Variants in HGF observed in about 807,000 individuals in gnomAD.
HGF encodes the protein hepatocyte growth factor.
HGF carries 39 observed loss-of-function variants against 111.6 expected under a neutral mutation model. The observed-to-expected ratio is 0.35, with a 90% CI of 0.27 to 0.46. The LOEUF is 0.46. Among genes scored for constraint, HGF ranks in the 20% least tolerant of loss-of-function variants. HGF has a pLI of 1.00. For missense variants in HGF, 735 were observed against 910.5 expected, an observed-to-expected ratio of 0.81 and a Z score of 2.48; for synonymous variants, 285 against 294.8, an observed-to-expected ratio of 0.97 and a Z score of 0.34.
At chr7:81,722,677 G>A (rs1400188680) in intron 9 of HGF, among the ~76,000 whole-genome samples, 1 of 150,764 alleles carries the variant, frequency 6.6e-6, no homozygotes, top group African/African-American at 2.4e-5. Context: ...AGCTGGGTGT[G>A]GTGGCGTGTG....
chr7:81,709,231 T>G (rs531937303), intron 13 of HGF, among the ~76,000 whole-genome samples: 1 of 151,994 alleles, frequency 6.6e-6, no homozygotes, highest in Non-Finnish European at 1.5e-5. Context: ...GCATAAAACA[T>G]GGAGGAAGAA....
At chr7:81,737,183 A>G (rs1303929499) in intron 7 of HGF, among the ~76,000 whole-genome samples, 1 of 152,010 alleles carries the variant, frequency 6.6e-6, no homozygotes, top group Non-Finnish European at 1.5e-5. Flanking sequence ...AGGCTTTTGG[A>G]TTTTAAACTG....
At chr7:81,758,119 A>G (rs529262097) in intron 3 of HGF, among the ~76,000 whole-genome samples, 1 of 152,216 alleles carries the variant, frequency 6.6e-6, no homozygotes, top group African/African-American at 2.4e-5. Flanking sequence ...GCTTTTGAAC[A>G]AAGTAAATAC....
At chr7:81,736,894 G>GGGGTGTGTGTGTGTGTGT (rs1554369032) in intron 7 of HGF, among the ~76,000 whole-genome samples, 39 of 142,054 alleles carry the variant, frequency 2.7e-4, no homozygotes, top group African/African-American at 8.9e-4. Context: ...TGTGTAGAGG[G>GGGGTGTGTGTGTGTGTGT]GTGTGTGTGT....
intron 1 of HGF, among the ~76,000 whole-genome samples, chr7:81,766,960 C>T (rs1584023804): frequency 1.3e-5 from 2 of 152,302 alleles, no homozygotes; most frequent in South Asian, 4.1e-4. Flanking sequence ...TATTCCCCAT[C>T]ACATGCCCAA....
rs751680733 is a variant in HGF, at chr7:81,725,880, C to T, written c.1168+10G>A. On this transcript the variant is annotated intron_variant, in intron 9 of 17. Coordinates refer to ENST00000222390, the MANE Select transcript of HGF (RefSeq NM_000601.6). Reference sequence around the variant, plus strand: ...TAATCATGCCCACCCTGCAGAATGTCAGCTATTACCTTGTCCATGTGACAT... The same window carrying T: ...TAATCATGCCCACCCTGCAGAATGTTAGCTATTACCTTGTCCATGTGACAT... 4 of 1,614,054 alleles carry T rather than the reference C, an allele frequency of 2.5e-6. No homozygotes were observed. The East Asian group carries it at 8.9e-5, about 36-fold the overall frequency.
At chr7:81,768,546 A>C (rs1789475412) in intron 1 of HGF, among the ~76,000 whole-genome samples, 1 of 151,890 alleles carries the variant, frequency 6.6e-6, no homozygotes, top group Admixed American at 6.6e-5. Flanking sequence ...CGCCTGGCTA[A>C]TTTTTTGTAT....
At chr7:81,762,609 G>A in intron 2 of HGF, 98 bp downstream of exon 2, 2 of 950,126 alleles carry the variant, frequency 2.1e-6, no homozygotes, top group Non-Finnish European at 1.7e-6. Flanking sequence ...ACAATTTTAT[G>A]ATCAAATCAC....
At chr7:81,715,393 G>A (rs1789683780) in intron 11 of HGF, among the ~76,000 whole-genome samples, 1 of 151,888 alleles carries the variant, frequency 6.6e-6, no homozygotes, top group Non-Finnish European at 1.5e-5. Context: ...TGAAAAAGTA[G>A]GTGTGTTTCT....
intron 7 of HGF, 98 bp downstream of exon 7, chr7:81,743,255 A>T: frequency 1.2e-6 from 1 of 818,090 alleles, no homozygotes; most frequent in Non-Finnish European, 2.2e-6. Flanking sequence ...ACATTAAAGC[A>T]TCAAGTTAAA....
At chr7:81,756,022 A>G (rs1455301004) in intron 4 of HGF, 4 of 701,860 alleles carry the variant, frequency 5.7e-6, no homozygotes, top group Admixed American at 2.0e-5. Context: ...CCAAAATGGA[A>G]TAGAATAAAA....
At chr7:81,711,850 G>A (rs1789579400) in intron 11 of HGF, among the ~76,000 whole-genome samples, 1 of 152,038 alleles carries the variant, frequency 6.6e-6, no homozygotes, top group South Asian at 2.1e-4. Flanking sequence ...CGCCATGTGG[G>A]CCAGGCTGGT....
chr7:81,717,467 AG>A, intron 10 of HGF, 102 bp from the exon 11 acceptor site: 1 of 1,135,190 alleles, frequency 8.8e-7, no homozygotes, highest in Admixed American at 1.7e-5. Context: ...CTTTCACTGT[AG>A]ATACAGCATA....
At chr7:81,714,912 T>G (rs1017326664) in intron 11 of HGF, among the ~76,000 whole-genome samples, 6 of 152,122 alleles carry the variant, frequency 3.9e-5, no homozygotes, top group African/African-American at 1.2e-4. Context: ...TTTATTAAAA[T>G]TAATTTGTGG....
rs536816567 is a variant in HGF, at chr7:81,737,329, C to T, written c.865+6024G>A. ...TAAGAGAAGAGGCGAGTTTCTGGTG[C>T]CGAGGGGCTGAGGGAAATTGGAGTA... is the stretch of plus-strand genomic sequence containing the variant. On this transcript the variant is annotated intron_variant, in intron 7 of 17. Coordinates refer to ENST00000222390, the MANE Select transcript of HGF (RefSeq NM_000601.6). Among the ~76,000 whole-genome samples the T allele has an allele frequency of 4.6e-5, 7 of 152,004 alleles. No individual in the cohort carries two copies. In the South Asian group the frequency reaches 1.5e-3, roughly 32 times the overall value.
At chr7:81,740,585 A>G (rs561334405) in intron 7 of HGF, among the ~76,000 whole-genome samples, 2 of 152,336 alleles carry the variant, frequency 1.3e-5, no homozygotes, top group African/African-American at 4.8e-5. Context: ...TAACCTAGGC[A>G]GGACTGACCT....
At chr7:81,762,584 T>C in intron 2 of HGF, 123 bp downstream of exon 2, 2 of 818,782 alleles carry the variant, frequency 2.4e-6, no homozygotes, top group South Asian at 2.9e-5. Flanking sequence ...GTGAGTTAAA[T>C]CTAGAGTCAA....
rs1441646821 is a variant in HGF at position 81,705,323 on chromosome 7, G to GAA, written c.2010+65_2010+66dup. ...ATTTTTGATTTGAGAAAAATAAACA[G>GAA]AAAAAAATAAACATGAAACACTAAG... On this transcript the variant is annotated intron_variant, in intron 17 of 17. Transcript: ENST00000222390. 3 of 1,508,372 alleles carry GAA rather than the reference G, an allele frequency of 2.0e-6. No individual in the cohort carries two copies. The African/African-American group carries it at 4.1e-5, about 21-fold the overall frequency. 93.4% of individuals were successfully genotyped at this position (1,508,372 alleles called of 1,614,324 possible).
rs972110119 is a variant in HGF, at chr7:81,751,838, A to G, written c.625+282T>C. 12 of 1,251,156 alleles carry G rather than the reference A, an allele frequency of 9.6e-6. No individual in the cohort carries two copies. The African/African-American group carries it at 1.2e-4, about 13-fold the overall frequency. The allele number at this position is 1,251,156 out of a possible 1,614,324, so 77.5% of individuals were successfully genotyped here. ...AGATTTTGAGGTATGTGAGCTCAAG[A>G]CAGTAGGTAAGTAAACCCTCTCTTT... is the stretch of plus-strand genomic sequence containing the variant. On this transcript the variant is annotated intron_variant, in intron 5 of 17. Coordinates refer to ENST00000222390, the MANE Select transcript of HGF (RefSeq NM_000601.6).
Sources: gnomAD v4.1 joint callset for allele counts (sites outside exome capture counted in the v4.1 genomes callset) on GRCh38, gnomAD v4.1.1 for gene constraint, MANE v1.5 for transcripts, NCBI Gene and HGNC (gene_info 2026-07-23, HGNC 2026-07-21) for gene names.